RCAN2: variants seen among roughly 807,000 people sequenced by gnomAD.
The protein encoded by RCAN2 is regulator of calcineurin 2, also known as calcipressin-2.
A neutral mutation model predicts 23.6 loss-of-function variants in RCAN2; 9 were observed. The ratio of observed to expected loss-of-function variants is 0.38; its 90% CI spans 0.23 to 0.67. The LOEUF (loss-of-function observed/expected upper bound fraction) is 0.67. Ranked by LOEUF, RCAN2 falls within the 30% of genes least tolerant of loss-of-function variation. RCAN2 has a pLI of 0.51. For synonymous variants in RCAN2, 109 were observed against 115.7 expected (o/e 0.94, Z 0.37); for missense variants, 273 against 302.3 (o/e 0.90, Z 0.72).
chr6:46,401,445 C>T (rs1356440085), intron 2 of RCAN2, among the ~76,000 whole-genome samples: 1 of 151,994 alleles, frequency 6.6e-6, no homozygotes, highest in African/African-American at 2.4e-5. Flanking sequence ...CAAATAAATC[C>T]ATCCATCTTC....
At chr6:46,244,117 G>T (rs1766424700) in intron 4 of RCAN2, among the ~76,000 whole-genome samples, 1 of 152,256 alleles carries the variant, frequency 6.6e-6, no homozygotes, top group African/African-American at 2.4e-5. Flanking sequence ...TTATTACAAA[G>T]CAGGGCCCTT....
intron 4 of RCAN2, among the ~76,000 whole-genome samples, chr6:46,239,508 G>A (rs1437794616): frequency 6.6e-6 from 1 of 152,242 alleles, no homozygotes; most frequent in Admixed American, 6.5e-5. Context: ...TTGGGATGCT[G>A]CAGGTGGCAT....
intron 1 of RCAN2, among the ~76,000 whole-genome samples, chr6:46,472,300 TAC>T (rs1202348133): frequency 1.9e-4 from 29 of 152,208 alleles, no homozygotes; most frequent in Non-Finnish European, 8.8e-5. Context: ...TTCAAAAGGC[TAC>T]AGATTGTTTC....
intron 2 of RCAN2, among the ~76,000 whole-genome samples, chr6:46,333,942 T>C (rs1326178286): frequency 6.6e-6 from 1 of 152,224 alleles, no homozygotes; most frequent in Non-Finnish European, 1.5e-5. Flanking sequence ...GGTTTGTTCC[T>C]ATGGTAAAGA....
chr6:46,483,977 T>C lies in RCAN2; in HGVS notation c.-3+7196A>G, dbSNP rs182855805. ...TGCTATTTCAAAATTCAGGTGCTGA[T>C]ATCTGTAATCAAATAAATAATTTCT... On this transcript the variant is annotated intron_variant, in intron 1 of 4. Coordinates refer to ENST00000371374, the MANE Select transcript of RCAN2 (RefSeq NM_001251974.2). Among the ~76,000 whole-genome samples, 155 of 152,348 alleles carry C rather than the reference T, an allele frequency of 1.0e-3. 1 individual carries two copies. The highest frequency in any genetic ancestry group is 3.6e-3 in the African/African-American group (151 of 41,588).
At chr6:46,365,478 A>AAAAAGAAAAG (rs59257652) in intron 2 of RCAN2, among the ~76,000 whole-genome samples, 5,984 of 145,724 alleles carry the variant, frequency 0.041, 377 homozygotes, top group African/African-American at 0.13. Context: ...CTCCATCTCA[A>AAAAAGAAAAG]AAAAGAAAAG....
intron 2 of RCAN2, among the ~76,000 whole-genome samples, chr6:46,375,067 G>A (rs558020096): frequency 1.1e-4 from 16 of 152,034 alleles, no homozygotes; most frequent in East Asian, 7.7e-4. Flanking sequence ...CCCAGTAGCC[G>A]GCATTACAGC....
intron 2 of RCAN2, among the ~76,000 whole-genome samples, chr6:46,418,522 C>A (rs893936628): frequency 2.0e-5 from 3 of 151,834 alleles, no homozygotes; most frequent in Non-Finnish European, 2.9e-5. Flanking sequence ...TTGTCATTCT[C>A]GTCTGACCAG....
At chr6:46,401,636 T>C (rs1420603687) in intron 2 of RCAN2, among the ~76,000 whole-genome samples, 2 of 152,192 alleles carry the variant, frequency 1.3e-5, no homozygotes, top group African/African-American at 4.8e-5. Flanking sequence ...CTGCGAACTA[T>C]ACGGGTGGAA....
intron 2 of RCAN2, among the ~76,000 whole-genome samples, chr6:46,316,430 A>C (rs1763440355): frequency 6.6e-6 from 1 of 152,232 alleles, no homozygotes; most frequent in Non-Finnish European, 1.5e-5. Context: ...GAGGTCAAGT[A>C]GAGAGTTCTC....
chr6:46,482,406 T>A (rs1312274406), intron 1 of RCAN2, among the ~76,000 whole-genome samples: 1 of 152,068 alleles, frequency 6.6e-6, no homozygotes, highest in Non-Finnish European at 1.5e-5. Flanking sequence ...AAAGGTAAAG[T>A]CCCTAAACAG....
chr6:46,255,989 A>C (rs373900215), intron 2 of RCAN2, among the ~76,000 whole-genome samples: 1 of 152,092 alleles, frequency 6.6e-6, no homozygotes, highest in African/African-American at 2.4e-5. Flanking sequence ...TGGTAAGGAG[A>C]GGATATGGAG....
intron 1 of RCAN2, among the ~76,000 whole-genome samples, chr6:46,482,042 T>C (rs1440703066): frequency 6.6e-6 from 1 of 151,898 alleles, no homozygotes; most frequent in Non-Finnish European, 1.5e-5. Flanking sequence ...GACTGGCTGA[T>C]CCAAAAAGGA....
In RCAN2 at chr6:46,343,751, T is replaced by G. The variant is rs1390129146; in HGVS notation, c.226-94855A>C. On this transcript the variant is annotated intron_variant, in intron 2 of 4. Transcript: ENST00000371374. Reference sequence around the variant, plus strand: ...GACCCAGGAATTCCACTATTAGGTATCTACTGAAGAAAAAACAAAGACATA... The same window carrying G: ...GACCCAGGAATTCCACTATTAGGTAGCTACTGAAGAAAAAACAAAGACATA... Among the ~76,000 whole-genome samples, 9 of 152,154 alleles carry G rather than the reference T, an allele frequency of 5.9e-5. 1 individual carries two copies.
intron 2 of RCAN2, among the ~76,000 whole-genome samples, chr6:46,409,867 T>G (rs1170591595): frequency 6.6e-6 from 1 of 152,212 alleles, no homozygotes; most frequent in Non-Finnish European, 1.5e-5. Context: ...TTATTTCTTA[T>G]TATGCCTGTG....
At chr6:46,395,930 C>T (rs527311047) in intron 2 of RCAN2, among the ~76,000 whole-genome samples, 49 of 152,294 alleles carry the variant, frequency 3.2e-4, no homozygotes, top group Non-Finnish European at 5.3e-4. Context: ...CATTAGGGTA[C>T]CCCATGCCTA....
chr6:46,473,640 A>G (rs1768630423), intron 1 of RCAN2, among the ~76,000 whole-genome samples: 1 of 152,186 alleles, frequency 6.6e-6, no homozygotes, highest in African/African-American at 2.4e-5. Context: ...TTTCATAGAG[A>G]AAACTATGCA....
At chr6:46,484,661 T>C (rs112631027) in intron 1 of RCAN2, among the ~76,000 whole-genome samples, 1 of 152,216 alleles carries the variant, frequency 6.6e-6, no homozygotes, top group Non-Finnish European at 1.5e-5. Flanking sequence ...ATGACAGCTG[T>C]CAGCAGTCAG....
chr6:46,473,356 AAC>A (rs1238688540), intron 1 of RCAN2, among the ~76,000 whole-genome samples: 1 of 152,082 alleles, frequency 6.6e-6, no homozygotes, highest in Non-Finnish European at 1.5e-5. Context: ...TGCACACACA[AAC>A]ACACACCCCT....
Sources: gnomAD v4.1 joint callset for allele counts (sites outside exome capture counted in the v4.1 genomes callset) on GRCh38, gnomAD v4.1.1 for gene constraint, MANE v1.5 for transcripts, NCBI Gene and HGNC (gene_info 2026-07-23, HGNC 2026-07-21) for gene names.